The following GLE1 variants were observed in gnomAD, a reference collection of about 807,000 sequenced individuals.
GLE1 encodes the protein mRNA export factor GLE1.
A neutral mutation model predicts 97.3 loss-of-function variants in GLE1; 78 were observed. The observed-to-expected ratio is 0.80, with a 90% confidence interval of 0.67 to 0.97. The LOEUF (loss-of-function observed/expected upper bound fraction) is 0.97. Ranked by LOEUF, GLE1 falls within the 50% of genes least tolerant of loss-of-function variation. The probability of loss-of-function intolerance (pLI) is 0.00; values close to 1 mark genes in which losing one functional copy is unlikely to be tolerated. For missense variants in GLE1, 753 were observed against 857.5 expected, an observed-to-expected ratio of 0.88 and a Z score of 1.52; for synonymous variants, 302 against 313.4, an observed-to-expected ratio of 0.96 and a Z score of 0.39.
chr9:128,537,957 C>G lies in GLE1; in HGVS notation c.1777-29C>G, dbSNP rs117513984. 3.0e-4 allele frequency: 384 copies of G among 1,263,724 alleles called. 1 individual carries two copies. In the East Asian group the frequency reaches 8.0e-3, roughly 26 times the overall value. The allele number at this position is 1,263,724 out of a possible 1,614,324, so 78.3% of individuals were successfully genotyped here. ...TTTAGATTTCTAAACAAAATGAGAT[C>G]AATGATAACCAAGCTTCTCTACTCC... On this transcript the variant is annotated intron_variant, in intron 12 of 15. Coordinates refer to ENST00000309971, the MANE Select transcript of GLE1 (RefSeq NM_001003722.2).
At chr9:128,507,810 C>G (rs1443798434) in intron 1 of GLE1, among the ~76,000 whole-genome samples, 1 of 151,912 alleles carries the variant, frequency 6.6e-6, no homozygotes, top group Non-Finnish European at 1.5e-5. Flanking sequence ...ATTGCTTGAA[C>G]CCGGGAGGTG....
intron 2 of GLE1, among the ~76,000 whole-genome samples, chr9:128,513,069 G>A (rs976118571): frequency 5.9e-5 from 9 of 152,064 alleles, no homozygotes; most frequent in East Asian, 5.8e-4. Flanking sequence ...TGGTATTTAC[G>A]TAAGAAAAAC....
chr9:128,531,554 G>A (rs983512411), intron 9 of GLE1, among the ~76,000 whole-genome samples: 14 of 150,692 alleles, frequency 9.3e-5, no homozygotes, highest in African/African-American at 3.4e-4. Context: ...GGATGTCGCC[G>A]GGTGTGGTGG....
Position 128,540,607 on chromosome 9 carries a change from A to T in GLE1, c.2028+269A>T, listed in dbSNP as rs980667226. 8 of 447,994 alleles carry T rather than the reference A, an allele frequency of 1.8e-5. No homozygotes were observed. In the East Asian group the frequency reaches 2.5e-4, roughly 14 times the overall value. 27.8% of individuals were successfully genotyped at this position (447,994 alleles called of 1,614,324 possible). On this transcript the variant is annotated intron_variant, in intron 15 of 15. Transcript: ENST00000309971. Reference sequence around the variant, plus strand: ...AGTGTATCTCCTCTCATTAATATATATTTTTTTTGCATGTTGGCCAAGGTT... The same window carrying T: ...AGTGTATCTCCTCTCATTAATATATTTTTTTTTTGCATGTTGGCCAAGGTT...
chr9:128,517,045 T>C (rs1476522306), intron 3 of GLE1, among the ~76,000 whole-genome samples: 1 of 151,828 alleles, frequency 6.6e-6, no homozygotes, highest in Non-Finnish European at 1.5e-5. Context: ...ATCCCAGCAC[T>C]TTGGGAGGGT....
intron 3 of GLE1, 54 bp downstream of exon 3, chr9:128,515,693 G>A: frequency 1.1e-6 from 1 of 929,338 alleles, no homozygotes; most frequent in Non-Finnish European, 1.8e-6. Flanking sequence ...ACATTTAACT[G>A]CAGTTCCCCA....
intron 1 of GLE1, among the ~76,000 whole-genome samples, chr9:128,506,432 G>A (rs1173664267): frequency 1.3e-5 from 2 of 152,112 alleles, no homozygotes; most frequent in African/African-American, 2.4e-5. Context: ...TTGGCTACTG[G>A]GCACCTCATT....
intron 7 of GLE1, 73 bp from the exon 8 acceptor site, chr9:128,527,106 A>G: frequency 1.2e-6 from 1 of 807,274 alleles, no homozygotes. Flanking sequence ...TAAAGTGATT[A>G]TAACAGTGCC....
At chr9:128,526,012 G>C (rs770512896) in intron 7 of GLE1, among the ~76,000 whole-genome samples, 1 of 152,056 alleles carries the variant, frequency 6.6e-6, no homozygotes, top group Non-Finnish European at 1.5e-5. Flanking sequence ...TGTTGTTGTT[G>C]TTGTTGTTGT....
Position 128,525,389 on chromosome 9 carries a change from T to C in GLE1, c.1095T>C (p.Ala365=), listed in dbSNP as rs774889788. ...QGPEAHKEPP[A]PSQGPGGKQN... is the part of the protein sequence containing the mutation. ...CAGAGGCCCACAAAGAGCCCCCAGCTCCCAGCCAGGGCCCAGGAGGGAAAC... is the reference window on the plus strand; with the variant it reads ...CAGAGGCCCACAAAGAGCCCCCAGCCCCCAGCCAGGGCCCAGGAGGGAAAC... Residue 365 remains alanine, a synonymous_variant, in exon 7 of 16, where the codon GCT becomes GCC. Coordinates refer to ENST00000309971, the MANE Select transcript of GLE1 (RefSeq NM_001003722.2). 6.2e-7 allele frequency: 1 copy of C among 1,610,100 alleles called. No homozygotes were observed. Among genetic ancestry groups the C allele is most frequent in the South Asian group, 1.1e-5 (1 of 90,570 alleles).
In GLE1 at chr9:128,515,520, C is replaced by T. The variant is rs1228661395; in HGVS notation, c.322-9C>T. ...TTTTTAATTATTTTTCCATTTTCTGCTCATATAGGGCAAAGATGAGTCCCA... is the reference window on the plus strand; with the variant it reads ...TTTTTAATTATTTTTCCATTTTCTGTTCATATAGGGCAAAGATGAGTCCCA... On this transcript the variant is annotated splice_polypyrimidine_tract_variant and intron_variant, in intron 2 of 15. Coordinates refer to ENST00000309971, the MANE Select transcript of GLE1 (RefSeq NM_001003722.2). 1.4e-6 allele frequency: 2 copies of T among 1,453,602 alleles called. No individual in the cohort carries two copies. Among genetic ancestry groups the T allele is most frequent in the East Asian group, 2.3e-5 (1 of 44,114 alleles). 90.0% of individuals were successfully genotyped at this position (1,453,602 alleles called of 1,614,324 possible). A position where few individuals can be genotyped will look rare whatever the true frequency, so the allele number is the denominator to read the frequency against.
intron 4 of GLE1, among the ~76,000 whole-genome samples, 179 bp downstream of exon 4, chr9:128,522,995 C>G (rs1847198322): frequency 6.6e-6 from 1 of 152,012 alleles, no homozygotes; most frequent in Admixed American, 6.6e-5. Flanking sequence ...ACCAAAGGAA[C>G]ACAAAGAGGG....
At chr9:128,528,796 T>G (rs1847389073) in intron 9 of GLE1, 1 of 152,218 alleles carries the variant, frequency 6.6e-6, no homozygotes. Context: ...CAGGACTCCT[T>G]TTCTCTCCAG....
intron 7 of GLE1, among the ~76,000 whole-genome samples, chr9:128,526,413 A>G (rs1362337816): frequency 1.3e-5 from 2 of 150,552 alleles, no homozygotes; most frequent in Non-Finnish European, 3.0e-5. Context: ...CTGGAGTGCA[A>G]TGGCACAATC....
Position 128,533,531 on chromosome 9 carries a change from T to C in GLE1, c.1331T>C (p.Ile444Thr), listed in dbSNP as rs1589070291. 6.2e-7 allele frequency: 1 copy of C among 1,612,260 alleles called. No individual in the cohort carries two copies. The highest frequency in any genetic ancestry group is 8.5e-7 in the Non-Finnish European group (1 of 1,178,864). Residue 444 changes from isoleucine (I) to threonine (T), a missense_variant, in exon 10 of 16, where the codon ATC becomes ACC. Coordinates refer to ENST00000309971, the MANE Select transcript of GLE1 (RefSeq NM_001003722.2). ...TGCTCAGGCTCAAAACTGAAGGAGATCTTTGACAAGATCCACAGCCTGCTC... is the reference window on the plus strand; with the variant it reads ...TGCTCAGGCTCAAAACTGAAGGAGACCTTTGACAAGATCCACAGCCTGCTC... Reference protein sequence around the residue: ...STIAGSKLKEIFDKIHSLLSG... With the variant: ...STIAGSKLKETFDKIHSLLSG...
intron 9 of GLE1, 100 bp from the exon 10 acceptor site, chr9:128,533,413 G>A (rs1847583287): frequency 3.1e-6 from 3 of 961,778 alleles, no homozygotes; most frequent in Admixed American, 2.9e-5. Context: ...CTGGGCAGTA[G>A]AGTGATACTG....
rs764539366 is a variant in GLE1, at chr9:128,509,056, G to A, written c.280G>A (p.Ala94Thr). Residue 94 changes from alanine to threonine, a missense_variant, in exon 2 of 16, where the codon GCC becomes ACC. Transcript: ENST00000309971. ...FVPKSPDASS[A>T]FSPASPATPN... ...TCCCAAATCTCCTGACGCAAGCTCT[G>A]CCTTTTCCCCAGCCTCCCCTGCAAC... The A allele has an allele frequency of 1.2e-6, 2 of 1,613,706 alleles. No homozygotes were observed. Among genetic ancestry groups the A allele is most frequent in the Non-Finnish European group, 1.7e-6 (2 of 1,179,644 alleles).
intron 9 of GLE1, among the ~76,000 whole-genome samples, chr9:128,529,875 C>CT (rs1847434755): frequency 6.6e-6 from 1 of 152,018 alleles, no homozygotes; most frequent in African/African-American, 2.4e-5. Context: ...CTCCCGGGTT[C>CT]ACGCCATTCT....
At position 128,504,915 on chromosome 9, in the gene GLE1, G is replaced by T. The variant is rs754463342; in HGVS notation, c.99+11G>T. On this transcript the variant is annotated intron_variant, in intron 1 of 15. Transcript: ENST00000309971. The stretch of plus-strand genomic sequence containing the variant: ...CTGCTGCGGCGCGAGGTGAGCGGTG[G>T]CCCCGGAGGACGTAGGCCTTTCCGG... 3 of 1,581,700 alleles carry T rather than the reference G, an allele frequency of 1.9e-6. No individual in the cohort carries two copies. The highest frequency in any genetic ancestry group is 3.3e-5 in the Admixed American group (2 of 59,982).
Sources: allele counts gnomAD v4.1 joint callset (sites outside exome capture counted in the v4.1 genomes callset), GRCh38; gene constraint gnomAD v4.1.1; transcripts MANE v1.5; gene names NCBI Gene and HGNC (gene_info 2026-07-23, HGNC 2026-07-21).